The following UTP18 variants were observed in gnomAD, a reference collection of about 807,000 sequenced individuals.
UTP18 encodes the protein U3 small nucleolar RNA-associated protein 18 homolog.
In UTP18, 36 loss-of-function variants were observed where a neutral mutation model predicts 61.1. The ratio of observed to expected loss-of-function variants is 0.59; its 90% CI spans 0.45 to 0.78. The LOEUF is 0.78. UTP18 is among the 30% of genes least tolerant of loss of function. UTP18 has a pLI of 0.00. For synonymous variants in UTP18, 282 were observed against 251.1 expected (o/e 1.12, Z -1.16); for missense variants, 753 against 693.9 (o/e 1.09, Z -0.96).
intron 5 of UTP18, among the ~76,000 whole-genome samples, chr17:51,273,739 TAATAAATAAATA>T (rs58946658): frequency 3.2e-4 from 45 of 141,082 alleles, no homozygotes; most frequent in African/African-American, 1.0e-3. Context: ...GTCTCTAAAA[TAATAAATAAATA>T]AATAAATAAA....
intron 13 of UTP18, 130 bp downstream of exon 13, chr17:51,297,133 G>A: frequency 1.3e-6 from 1 of 763,170 alleles, no homozygotes; most frequent in South Asian, 1.9e-5. Context: ...ATTTAGAGGG[G>A]TGGGTTGGAA....
At position 51,285,358 on chromosome 17, in the gene UTP18, G is replaced by A. The variant is rs188345480; in HGVS notation, c.1318G>A (p.Val440Ile). ...SIATSRNGQY[V>I]ACGSNCGVVN... ...TGCCACATCTAGGAATGGACAGTAT[G>A]TTGCTTGTGGGTAAGTAAAGAGAGG... The change falls in exon 10 of 14, where the codon GTT (valine) becomes ATT (isoleucine). Residue 440 changes from valine (V) to isoleucine (I), a missense_variant. Coordinates refer to ENST00000225298, the MANE Select transcript of UTP18 (RefSeq NM_016001.3). 1.2e-6 allele frequency: 2 copies of A among 1,613,002 alleles called. No individual in the cohort carries two copies. Among genetic ancestry groups the A allele is most frequent in the Non-Finnish European group, 1.7e-6 (2 of 1,179,236 alleles).
chr17:51,278,352 C>T (rs1904800050), intron 7 of UTP18, among the ~76,000 whole-genome samples: 1 of 152,168 alleles, frequency 6.6e-6, no homozygotes, highest in Non-Finnish European at 1.5e-5. Flanking sequence ...AAGTCTTAAA[C>T]CATCTTCTCA....
intron 10 of UTP18, chr17:51,286,444 T>C (rs778921186): frequency 6.6e-6 from 3 of 455,802 alleles, no homozygotes; most frequent in Non-Finnish European, 1.3e-5. Context: ...TCCAGAAACT[T>C]AGCATACTCT....
intron 9 of UTP18, 49 bp downstream of exon 9, chr17:51,280,528 T>C (rs566679205): frequency 6.3e-7 from 1 of 1,595,296 alleles, no homozygotes; most frequent in Admixed American, 1.7e-5. Flanking sequence ...CATTTTAAAT[T>C]TTAGGCCAGG....
At chr17:51,295,922 C>A (rs1009968602) in intron 12 of UTP18, among the ~76,000 whole-genome samples, 10 of 152,174 alleles carry the variant, frequency 6.6e-5, no homozygotes, top group Non-Finnish European at 5.9e-5. Context: ...AATATTTCCA[C>A]TTTCTTCGTG....
intron 9 of UTP18, among the ~76,000 whole-genome samples, chr17:51,281,881 C>A (rs1904939645): frequency 6.6e-6 from 1 of 152,206 alleles, no homozygotes; most frequent in South Asian, 2.1e-4. Flanking sequence ...TGAAGGTTTT[C>A]TGACTTTCTT....
chr17:51,262,497 C>T (rs2144387103), intron 1 of UTP18, among the ~76,000 whole-genome samples: 1 of 151,986 alleles, frequency 6.6e-6, no homozygotes, highest in African/African-American at 2.4e-5. Flanking sequence ...ACTTTGTCAC[C>T]CAGACTGGAG....
intron 12 of UTP18, among the ~76,000 whole-genome samples, chr17:51,295,593 G>T (rs910580718): frequency 1.1e-4 from 17 of 152,132 alleles, no homozygotes; most frequent in Non-Finnish European, 2.1e-4. Flanking sequence ...TGCTGTTTTG[G>T]TTACTGTAGC....
At chr17:51,296,838 TG>T in intron 12 of UTP18, 126 bp from the exon 13 acceptor site, 2 of 836,638 alleles carry the variant, frequency 2.4e-6, no homozygotes, top group Non-Finnish European at 3.7e-6. Context: ...CCTAACTGCC[TG>T]GTGTGAATGA....
At position 51,266,167 on chromosome 17, in the gene UTP18, G is replaced by A; in HGVS notation, c.456-15G>A. Reference sequence around the variant, plus strand: ...CTTTAAAAGTTATTTAAAATATGCTGTTCTGTTTTTGTAGGGTTGACATGA... The same window carrying A: ...CTTTAAAAGTTATTTAAAATATGCTATTCTGTTTTTGTAGGGTTGACATGA... On this transcript the variant is annotated splice_polypyrimidine_tract_variant and intron_variant, in intron 2 of 13. Coordinates refer to ENST00000225298, the MANE Select transcript of UTP18 (RefSeq NM_016001.3). The A allele has an allele frequency of 1.3e-6, 2 of 1,555,132 alleles. No homozygotes were observed. The highest frequency in any genetic ancestry group is 1.7e-6 in the Non-Finnish European group (2 of 1,157,014).
intron 1 of UTP18, among the ~76,000 whole-genome samples, chr17:51,262,241 C>T (rs1231361081): frequency 2.6e-5 from 4 of 151,996 alleles, no homozygotes; most frequent in African/African-American, 4.8e-5. Context: ...GCCACCACGC[C>T]TGGCTAATTT....
chr17:51,293,498 TG>T (rs1324724669), intron 11 of UTP18, among the ~76,000 whole-genome samples: 41 of 89,790 alleles, frequency 4.6e-4, no homozygotes, highest in African/African-American at 1.6e-3. Context: ...AAACATGAGT[TG>T]TTGTTTTTTT....
chr17:51,264,513 A>G (rs2144391884), intron 2 of UTP18, among the ~76,000 whole-genome samples: 2 of 152,212 alleles, frequency 1.3e-5, no homozygotes, highest in South Asian at 4.2e-4. Flanking sequence ...GTACTGCCAG[A>G]CTGCATGCTA....
At chr17:51,261,137 C>T (rs2055461803) in intron 1 of UTP18, among the ~76,000 whole-genome samples, 2 of 152,374 alleles carry the variant, frequency 1.3e-5, no homozygotes, top group African/African-American at 4.8e-5. Flanking sequence ...GGGACCGCGT[C>T]TTTCTCCGCC....
At chr17:51,286,013 G>T (rs1443883652) in intron 10 of UTP18, among the ~76,000 whole-genome samples, 5 of 152,174 alleles carry the variant, frequency 3.3e-5, no homozygotes, top group African/African-American at 1.2e-4. Flanking sequence ...CATTGATGAG[G>T]AGATAGAATA....
chr17:51,260,999 G>C (rs2055452050), intron 1 of UTP18, 73 bp downstream of exon 1: 2 of 1,306,012 alleles, frequency 1.5e-6, no homozygotes, highest in Admixed American at 8.3e-5. Flanking sequence ...GCTCCGGGGG[G>C]CGGAGCCTGG....
chr17:51,267,384 G>A (rs190086469), intron 3 of UTP18, among the ~76,000 whole-genome samples: 202 of 150,954 alleles, frequency 1.3e-3, no homozygotes, highest in African/African-American at 4.8e-3. Context: ...ATTTTAAAGT[G>A]TAAATTTGGT....
At chr17:51,280,253 G>T in intron 8 of UTP18, 136 bp from the exon 9 acceptor site, 1 of 1,289,026 alleles carries the variant, frequency 7.8e-7, no homozygotes, top group South Asian at 1.4e-5. Context: ...GGCAGTTGGG[G>T]GAGAGCTTTT....
Sources: gnomAD v4.1 joint callset for allele counts (sites outside exome capture counted in the v4.1 genomes callset) on GRCh38, gnomAD v4.1.1 for gene constraint, MANE v1.5 for transcripts, NCBI Gene and HGNC (gene_info 2026-07-23, HGNC 2026-07-21) for gene names.